The following RETREG1 variants were observed in gnomAD, a reference collection of about 807,000 sequenced individuals.
RETREG1 encodes the protein reticulophagy regulator 1.
Under a neutral mutation model 54.8 loss-of-function variants are expected in RETREG1, and 44 were observed. The observed-to-expected ratio is 0.80, with a 90% CI of 0.63 to 1.03. RETREG1 has a LOEUF of 1.03. Among genes scored for constraint, RETREG1 ranks in the 50% least tolerant of loss-of-function variants. The pLI is 0.00. For synonymous variants in RETREG1, 217 were observed against 238.5 expected (o/e 0.91, Z 0.83); for missense variants, 554 against 605.1 (o/e 0.92, Z 0.89).
chr5:16,602,955 C>T (rs563966918), intron 1 of RETREG1, among the ~76,000 whole-genome samples: 1 of 152,258 alleles, frequency 6.6e-6, no homozygotes, highest in African/African-American at 2.4e-5. Context: ...TTGCGGTGAG[C>T]CGAGATGGCG....
intron 1 of RETREG1, among the ~76,000 whole-genome samples, chr5:16,609,983 C>A (rs1454946443): frequency 2.0e-5 from 3 of 152,178 alleles, no homozygotes; most frequent in Admixed American, 6.5e-5. Flanking sequence ...TTTGGGCCCA[C>A]CTGCAGAGAT....
intron 1 of RETREG1, among the ~76,000 whole-genome samples, chr5:16,577,761 C>T (rs1475286153): frequency 2.0e-5 from 3 of 152,024 alleles, no homozygotes; most frequent in Non-Finnish European, 4.4e-5. Flanking sequence ...CGGTTTCTCC[C>T]ATACTGTTCT....
chr5:16,530,710 TA>T (rs1740887993), intron 3 of RETREG1, among the ~76,000 whole-genome samples: 1 of 152,002 alleles, frequency 6.6e-6, no homozygotes, highest in Non-Finnish European at 1.5e-5. Flanking sequence ...CTGTCTAGAC[TA>T]AAAATACAAA....
rs181973681 is a variant in RETREG1, at chr5:16,475,308, T to C, written c.1001-74A>G. 23 of 1,548,096 alleles carry C rather than the reference T, an allele frequency of 1.5e-5. No homozygotes were observed. The African/African-American group carries it at 2.0e-4, about 14-fold the overall frequency. ...CAAATAAAAGTGCTGTCTAAAGATA[T>C]CTGACTTTAATCTGAACCCTCTGGC... On this transcript the variant is annotated intron_variant, in intron 8 of 8. Coordinates refer to ENST00000306320, the MANE Select transcript of RETREG1 (RefSeq NM_001034850.3).
intron 3 of RETREG1, among the ~76,000 whole-genome samples, chr5:16,496,179 A>G (rs757468713): frequency 3.3e-5 from 5 of 152,238 alleles, no homozygotes; most frequent in Non-Finnish European, 4.4e-5. Flanking sequence ...CATTTGACTT[A>G]ATTTTCATAA....
intron 1 of RETREG1, among the ~76,000 whole-genome samples, chr5:16,573,421 A>G (rs1030421498): frequency 3.9e-5 from 6 of 152,186 alleles, no homozygotes; most frequent in Non-Finnish European, 5.9e-5. Flanking sequence ...TGTTTACACA[A>G]GTTAATTGGC....
chr5:16,475,157 T>C lies in RETREG1; in HGVS notation c.1078A>G (p.Asn360Asp). 1 of 1,613,962 alleles carries C rather than the reference T, an allele frequency of 6.2e-7. No homozygotes were observed. ...FPSLENGMGT[N>D]DEDELSLGLP... ...CCAAGGCTTAATTCATCTTCATCAT[T>C]TGTTCCCATGCCATTTTCTAGAGAT... The change falls in exon 9 of 9, where the codon AAT becomes GAT. Residue 360 changes from asparagine (N) to aspartate (D), a missense_variant. Physicochemically the swap from Asn to Asp is conservative, Grantham distance 23. Transcript: ENST00000306320.
intron 3 of RETREG1, among the ~76,000 whole-genome samples, chr5:16,528,357 C>T (rs1740788910): frequency 6.6e-6 from 1 of 152,036 alleles, no homozygotes; most frequent in African/African-American, 2.4e-5. Context: ...AAATATGACT[C>T]TTTAAATTTA....
At chr5:16,555,794 T>G (rs1474740964) in intron 3 of RETREG1, among the ~76,000 whole-genome samples, 2 of 152,176 alleles carry the variant, frequency 1.3e-5, no homozygotes, top group African/African-American at 2.4e-5. Flanking sequence ...GATAAATAAA[T>G]AATAAGAGAA....
intron 3 of RETREG1, among the ~76,000 whole-genome samples, chr5:16,564,138 G>A (rs1741944111): frequency 6.6e-6 from 1 of 152,092 alleles, no homozygotes; most frequent in African/African-American, 2.4e-5. Flanking sequence ...TAAATTCTCA[G>A]TTTGCTTTTC....
At position 16,591,705 on chromosome 5, in the gene RETREG1, C is replaced by G. The variant is rs556891872; in HGVS notation, c.321-19603G>C. ...ACTTTCTCTAATTAAACAAGGGGGA[C>G]GAAGCCCTCCCTTAGCACAGGCCCT... On this transcript the variant is annotated intron_variant, in intron 1 of 8. Coordinates refer to ENST00000306320, the MANE Select transcript of RETREG1 (RefSeq NM_001034850.3). 1.6e-4 allele frequency among the ~76,000 whole-genome samples: 25 copies of G among 152,286 alleles called. 1 individual carries two copies. The East Asian group carries it at 4.2e-3, about 26-fold the overall frequency.
intron 1 of RETREG1, among the ~76,000 whole-genome samples, chr5:16,612,828 C>A (rs1383921725): frequency 6.6e-6 from 1 of 152,060 alleles, no homozygotes; most frequent in Non-Finnish European, 1.5e-5. Flanking sequence ...GTCTCGGATT[C>A]GAGAATGTCT....
chr5:16,580,549 T>C (rs528288739), intron 1 of RETREG1, among the ~76,000 whole-genome samples: 31 of 152,214 alleles, frequency 2.0e-4, no homozygotes, highest in African/African-American at 6.7e-4. Flanking sequence ...AGCCCCAGGG[T>C]TACCTTGCTG....
chr5:16,507,414 A>G (rs1330477453), intron 3 of RETREG1, among the ~76,000 whole-genome samples: 1 of 152,208 alleles, frequency 6.6e-6, no homozygotes, highest in Non-Finnish European at 1.5e-5. Flanking sequence ...TCAACCCATG[A>G]TCTCAAAACT....
chr5:16,543,982 T>C (rs986023349), intron 3 of RETREG1, among the ~76,000 whole-genome samples: 2 of 148,508 alleles, frequency 1.3e-5, no homozygotes, highest in African/African-American at 5.0e-5. Flanking sequence ...TTTTTTTTTT[T>C]TTTTTTTTTG....
chr5:16,510,794 AAAC>A (rs1453428373), intron 3 of RETREG1, among the ~76,000 whole-genome samples: 5 of 148,816 alleles, frequency 3.4e-5, no homozygotes, highest in African/African-American at 1.3e-4. Flanking sequence ...TGTCTCGAAA[AAAC>A]AACAAGAACA....
At chr5:16,526,139 T>A (rs939479279) in intron 3 of RETREG1, among the ~76,000 whole-genome samples, 4 of 152,222 alleles carry the variant, frequency 2.6e-5, no homozygotes, top group African/African-American at 9.6e-5. Context: ...ACCACCACAC[T>A]AGAGAGCTCT....
chr5:16,561,372 C>G lies in RETREG1; in HGVS notation c.458+4391G>C, dbSNP rs928142811. Among the ~76,000 whole-genome samples, 1 of 151,948 alleles carries G rather than the reference C, an allele frequency of 6.6e-6. No individual in the cohort carries two copies. The highest frequency in any genetic ancestry group is 1.5e-5 in the Non-Finnish European group (1 of 67,972). ...ATTAGCTGGGCATGGTGGTGGGCAC[C>G]TGTAGTCCCAGCTACTCGGGAGGCT... On this transcript the variant is annotated intron_variant, in intron 3 of 8. Transcript: ENST00000306320. This position sits in a 1 kb window ranked among gnomAD's most constrained non-coding sequence, Gnocchi z 4.2.
intron 1 of RETREG1, among the ~76,000 whole-genome samples, chr5:16,576,855 TC>T (rs1326194066): frequency 2.0e-5 from 3 of 151,982 alleles, no homozygotes; most frequent in African/African-American, 7.2e-5. Context: ...AACCTTGTGA[TC>T]CCCCCGCCTC....
Sources: gnomAD v4.1 joint callset for allele counts (sites outside exome capture counted in the v4.1 genomes callset) on GRCh38, gnomAD v4.1.1 for gene constraint, Gnocchi (gnomAD v3.1) non-coding constraint, MANE v1.5 for transcripts, NCBI Gene and HGNC (gene_info 2026-07-23, HGNC 2026-07-21) for gene names.